ACMSD: variants seen among roughly 807,000 people sequenced by gnomAD.
ACMSD encodes 2-amino-3-carboxymuconate-6-semialdehyde decarboxylase.
In ACMSD, 37 loss-of-function variants were observed where a neutral mutation model predicts 45.9. The observed-to-expected ratio is 0.81, with a 90% CI of 0.62 to 1.06. The LOEUF is 1.06. Among genes scored for constraint, ACMSD ranks in the 50% least tolerant of loss-of-function variants. ACMSD has a pLI of 0.00. For synonymous variants in ACMSD, 138 were observed against 148.8 expected (o/e 0.93, Z 0.53); for missense variants, 434 against 420.9 (o/e 1.03, Z -0.27).
intron 8 of ACMSD, among the ~76,000 whole-genome samples, chr2:134,895,432 T>C (rs1573729119): frequency 6.7e-6 from 1 of 150,102 alleles, no homozygotes; most frequent in Admixed American, 6.6e-5. Context: ...TCCATGTTCA[T>C]TGATTCAAAA....
intron 8 of ACMSD, among the ~76,000 whole-genome samples, chr2:134,892,429 G>A (rs553870126): frequency 5.3e-5 from 8 of 151,766 alleles, no homozygotes; most frequent in African/African-American, 1.7e-4. Context: ...AAAAGGGCCT[G>A]TGCTGAAGTC....
At chr2:134,895,188 C>A (rs1573727942) in intron 8 of ACMSD, among the ~76,000 whole-genome samples, 1 of 151,752 alleles carries the variant, frequency 6.6e-6, no homozygotes, top group Admixed American at 6.6e-5. Flanking sequence ...CACCTGTAAT[C>A]CCAGCTACTA....
intron 1 of ACMSD, 37 bp from the exon 2 acceptor site, chr2:134,845,196 T>G: frequency 6.2e-7 from 1 of 1,613,858 alleles, no homozygotes; most frequent in Non-Finnish European, 8.5e-7. Flanking sequence ...GCCTGGTCTT[T>G]GCTCTTTGAC....
At chr2:134,849,042 A>G (rs1439489074) in intron 2 of ACMSD, among the ~76,000 whole-genome samples, 1 of 152,140 alleles carries the variant, frequency 6.6e-6, no homozygotes, top group Non-Finnish European at 1.5e-5. Flanking sequence ...AAAACATGAT[A>G]TAAATGGAGC....
intron 2 of ACMSD, among the ~76,000 whole-genome samples, chr2:134,846,308 C>CTA (rs1216467564): frequency 1.3e-5 from 2 of 152,234 alleles, no homozygotes; most frequent in Non-Finnish European, 2.9e-5. Flanking sequence ...TTTTCAGGCC[C>CTA]TACCCCAGTC....
At chr2:134,887,057 C>T (rs1478167793) in intron 8 of ACMSD, among the ~76,000 whole-genome samples, 1 of 152,066 alleles carries the variant, frequency 6.6e-6, no homozygotes, top group African/African-American at 2.4e-5. Context: ...ACACTGAAAA[C>T]TATAAAATAT....
Position 134,845,219 on chromosome 2 carries a change from T to C in ACMSD, c.58-14T>C, listed in dbSNP as rs1686993878. The C allele has an allele frequency of 6.2e-7, 1 of 1,613,940 alleles. No individual in the cohort carries two copies. The highest frequency in any genetic ancestry group is 1.7e-5 in the Admixed American group (1 of 59,978). The stretch of plus-strand genomic sequence containing the variant: ...TTTGCTCTTTGACTCTAACTGTGCT[T>C]CTCCCCACTGCAGAGGTTTGGCTAC... On this transcript the variant is annotated splice_polypyrimidine_tract_variant and intron_variant, in intron 1 of 9. Transcript: ENST00000356140.
At chr2:134,895,371 G>GAAAACGCAAGGGGGCCAGGTGCAGTGGC (rs1690073976) in intron 8 of ACMSD, among the ~76,000 whole-genome samples, 1 of 82,362 alleles carries the variant, frequency 1.2e-5, no homozygotes, top group South Asian at 5.6e-4. Flanking sequence ...ATATATATAT[G>GAAAACGCAAGGGGGCCAGGTGCAGTGGC]TTACAAAACA....
At chr2:134,897,988 T>A (rs1690267507) in intron 8 of ACMSD, among the ~76,000 whole-genome samples, 2 of 151,366 alleles carry the variant, frequency 1.3e-5, no homozygotes, top group African/African-American at 4.8e-5. Flanking sequence ...TTGCAATGTA[T>A]CATTCTAAGA....
At chr2:134,883,096 T>G (rs1689133461) in intron 8 of ACMSD, among the ~76,000 whole-genome samples, 1 of 152,212 alleles carries the variant, frequency 6.6e-6, no homozygotes, top group Admixed American at 6.5e-5. Flanking sequence ...GAGGCAGCCA[T>G]GGTACCTAAA....
At chr2:134,863,662 G>C in intron 5 of ACMSD, 31 bp downstream of exon 5, 1 of 1,608,336 alleles carries the variant, frequency 6.2e-7, no homozygotes, top group Non-Finnish European at 8.5e-7. Context: ...GCCAACGCCA[G>C]CCGCCCAGTG....
chr2:134,848,070 T>C (rs536655538), intron 2 of ACMSD, among the ~76,000 whole-genome samples: 1 of 152,248 alleles, frequency 6.6e-6, no homozygotes, highest in South Asian at 2.1e-4. Context: ...AGGCAGGTCT[T>C]GAACTCCCAA....
chr2:134,885,294 T>TATATA (rs1436095564), intron 8 of ACMSD, among the ~76,000 whole-genome samples: 2,123 of 90,998 alleles, frequency 0.023, 37 homozygotes, highest in East Asian at 0.034. Context: ...ATTATATTTA[T>TATATA]ATATATATTT....
intron 3 of ACMSD, 99 bp downstream of exon 3, chr2:134,859,456 C>G (rs977038800): frequency 1.6e-5 from 18 of 1,143,834 alleles, no homozygotes; most frequent in East Asian, 2.4e-5. Context: ...CTTCTGACCC[C>G]CTTTTCTCTG....
chr2:134,857,267 G>GT lies in ACMSD; in HGVS notation c.103-1993dup, dbSNP rs1256033923. Among the ~76,000 whole-genome samples, 4 of 151,918 alleles carry GT rather than the reference G, an allele frequency of 2.6e-5. No homozygotes were observed. In the South Asian group the frequency reaches 6.2e-4, roughly 24 times the overall value. On this transcript the variant is annotated intron_variant, in intron 2 of 9. Transcript: ENST00000356140. ...AGCCTGGCCAACATGGTGAAACCCC[G>GT]TCTCTACTAAAAACACAAAAATTAG...
chr2:134,866,710 C>T (rs1364666340), intron 5 of ACMSD, among the ~76,000 whole-genome samples: 1 of 152,198 alleles, frequency 6.6e-6, no homozygotes, highest in African/African-American at 2.4e-5. Context: ...AGGAATTATT[C>T]TAAGGGAAAT....
intron 1 of ACMSD, among the ~76,000 whole-genome samples, chr2:134,841,136 G>A (rs1057214827): frequency 4.6e-5 from 7 of 152,138 alleles, no homozygotes; most frequent in South Asian, 4.1e-4. Flanking sequence ...ATAACACTTC[G>A]TACTTCCAGG....
Position 134,840,736 on chromosome 2 carries a change from G to C in ACMSD, c.57+1997G>C, listed in dbSNP as rs571384991. ...AGAGGAATTTTGTCCCAATAAACCA[G>C]GTTTCTTCTTCTTTTTTTATTTTTA... On this transcript the variant is annotated intron_variant, in intron 1 of 9. Coordinates refer to ENST00000356140, the MANE Select transcript of ACMSD (RefSeq NM_138326.3). 5.4e-5 allele frequency among the ~76,000 whole-genome samples: 6 copies of C among 111,328 alleles called. No individual in the cohort carries two copies. The East Asian group carries it at 1.8e-3, about 34-fold the overall frequency. The allele number at this position is 111,328 out of a possible 152,430, so 73.0% of individuals were successfully genotyped here.
In ACMSD at chr2:134,859,682, A is replaced by T. The variant is rs993111505; in HGVS notation, c.199+325A>T. On this transcript the variant is annotated intron_variant, in intron 3 of 9. Coordinates refer to ENST00000356140, the MANE Select transcript of ACMSD (RefSeq NM_138326.3). ...TATAAAATCAATTAAAATAGTAAAAACTGGAAATCACAAAACTAAGAATGA... is the reference window on the plus strand; with the variant it reads ...TATAAAATCAATTAAAATAGTAAAATCTGGAAATCACAAAACTAAGAATGA... The T allele has an allele frequency of 1.8e-4, 33 of 182,496 alleles. No individual in the cohort carries two copies. In the Admixed American group the frequency reaches 1.8e-3, roughly 10 times the overall value. The allele number at this position is 182,496 out of a possible 1,614,324, so 11.3% of individuals were successfully genotyped here. A position where few individuals can be genotyped will look rare whatever the true frequency, so the allele number is the denominator to read the frequency against.
Sources: gnomAD v4.1 joint callset for allele counts (sites outside exome capture counted in the v4.1 genomes callset) on GRCh38, gnomAD v4.1.1 for gene constraint, MANE v1.5 for transcripts, NCBI Gene and HGNC (gene_info 2026-07-23, HGNC 2026-07-21) for gene names.